Variants in CA5A observed in about 807,000 individuals in gnomAD.
CA5A encodes carbonic anhydrase 5A, mitochondrial.
A neutral mutation model predicts 37.1 loss-of-function variants in CA5A; 28 were observed. The ratio of observed to expected loss-of-function variants is 0.75; its 90% confidence interval spans 0.56 to 1.03. The LOEUF is 1.03. Among genes scored for constraint, CA5A ranks in the 50% least tolerant of loss-of-function variants. The probability of loss-of-function intolerance (pLI) is 0.00; values close to 1 mark genes in which losing one functional copy is unlikely to be tolerated. For missense variants in CA5A, 444 were observed against 399.9 expected (o/e 1.11, Z -0.94); for synonymous variants, 171 against 158.4 (o/e 1.08, Z -0.60).
chr16:87,935,109 C>T (rs2056454227), intron 1 of CA5A, among the ~76,000 whole-genome samples: 1 of 152,258 alleles, frequency 6.6e-6, no homozygotes, highest in South Asian at 2.1e-4. Flanking sequence ...GAGGCTCCAC[C>T]TCAGCAAGCG....
intron 1 of CA5A, among the ~76,000 whole-genome samples, chr16:87,931,613 G>C (rs888276533): frequency 6.6e-6 from 1 of 152,178 alleles, no homozygotes; most frequent in Non-Finnish European, 1.5e-5. Context: ...AGATAAGCTC[G>C]CTGGCGCTGG....
intron 1 of CA5A, among the ~76,000 whole-genome samples, chr16:87,935,968 C>T (rs1483956391): frequency 4.6e-5 from 7 of 152,014 alleles, no homozygotes; most frequent in Non-Finnish European, 1.0e-4. Context: ...GTTAGGAGTT[C>T]GAGACCAACC....
chr16:87,881,600 G>A (rs994822714), exon 5 of CA5A: 1 of 152,194 alleles, frequency 6.6e-6, no homozygotes, highest in African/African-American at 2.4e-5. Context: ...AAAAGCAAAG[G>A]GAGGAAGCCT....
intron 1 of CA5A, among the ~76,000 whole-genome samples, chr16:87,933,993 C>T (rs749132349): frequency 6.6e-6 from 1 of 152,240 alleles, no homozygotes; most frequent in Non-Finnish European, 1.5e-5. Flanking sequence ...ATGACTCTCT[C>T]TAGCACACGA....
At chr16:87,900,668 C>A (rs766100292) in intron 5 of CA5A, among the ~76,000 whole-genome samples, 3 of 152,244 alleles carry the variant, frequency 2.0e-5, no homozygotes, top group Non-Finnish European at 4.4e-5. Context: ...ACCATCTTTT[C>A]GAGCTGCGCT....
intron 2 of CA5A, among the ~76,000 whole-genome samples, chr16:87,919,744 C>T (rs1567531771): frequency 1.3e-5 from 2 of 152,168 alleles, no homozygotes; most frequent in African/African-American, 2.4e-5. Context: ...GAATTCCTCA[C>T]TTGGAGAGCA....
intron 2 of CA5A, among the ~76,000 whole-genome samples, chr16:87,920,114 G>C (rs1221263916): frequency 6.6e-6 from 1 of 152,096 alleles, no homozygotes; most frequent in Non-Finnish European, 1.5e-5. Context: ...AAGCATGGAC[G>C]AGGCTGAGCT....
intron 5 of CA5A, among the ~76,000 whole-genome samples, chr16:87,901,098 C>G (rs1040570130): frequency 6.6e-6 from 1 of 152,098 alleles, no homozygotes; most frequent in Non-Finnish European, 1.5e-5. Flanking sequence ...GGTATGGTGG[C>G]GCACACCTAT....
intron 2 of CA5A, among the ~76,000 whole-genome samples, chr16:87,921,195 T>C (rs759034544): frequency 1.3e-5 from 2 of 152,146 alleles, no homozygotes; most frequent in African/African-American, 2.4e-5. Context: ...TCCCAAAGTG[T>C]TGGGATTACA....
At chr16:87,915,172 G>A (rs1288297035) in intron 2 of CA5A, among the ~76,000 whole-genome samples, 1 of 152,180 alleles carries the variant, frequency 6.6e-6, no homozygotes, top group Non-Finnish European at 1.5e-5. Flanking sequence ...TTTATCACTG[G>A]GGATCCAGAG....
In CA5A at chr16:87,913,305, C is replaced by CT. The variant is rs56257660; in HGVS notation, c.341-8402dup. Among the ~76,000 whole-genome samples, 103 of 133,306 alleles carry CT rather than the reference C, an allele frequency of 7.7e-4. 1 individual carries two copies. Among genetic ancestry groups the CT allele is most frequent in the Middle Eastern group, 4.0e-3 (1 of 248 alleles). The allele number at this position is 133,306 out of a possible 152,430, so 87.5% of individuals were successfully genotyped here. On this transcript the variant is annotated intron_variant, in intron 2 of 6. Coordinates refer to ENST00000649794, the MANE Select transcript of CA5A (RefSeq NM_001739.2). The stretch of plus-strand genomic sequence containing the variant: ...ATCAACAGGTTTTGAATGTTCCAGT[C>CT]TTTTTTTTTTTTTTGAGTCAGGGGT...
intron 2 of CA5A, among the ~76,000 whole-genome samples, chr16:87,920,897 G>A (rs369711728): frequency 6.6e-6 from 1 of 152,036 alleles, no homozygotes; most frequent in Non-Finnish European, 1.5e-5. Flanking sequence ...AGGTTCAAGC[G>A]ATTTTCCTGC....
intron 1 of CA5A, among the ~76,000 whole-genome samples, chr16:87,935,415 A>G (rs2056457772): frequency 6.6e-6 from 1 of 152,122 alleles, no homozygotes; most frequent in Non-Finnish European, 1.5e-5. Context: ...AGAGTTTAGG[A>G]GCGATCGTGA....
At chr16:87,904,725 A>T in intron 3 of CA5A, 61 bp downstream of exon 3, 1 of 1,037,860 alleles carries the variant, frequency 9.6e-7, no homozygotes. Flanking sequence ...TTCACCCCCC[A>T]CCATAGAGCC....
chr16:87,904,590 C>T (rs192705884), intron 3 of CA5A, among the ~76,000 whole-genome samples, 196 bp downstream of exon 3: 26 of 152,304 alleles, frequency 1.7e-4, no homozygotes, highest in African/African-American at 6.0e-4. Flanking sequence ...TGAGAGAGAA[C>T]TTACAGCGCC....
chr16:87,934,182 C>G (rs545419041), intron 1 of CA5A, among the ~76,000 whole-genome samples: 3 of 152,386 alleles, frequency 2.0e-5, no homozygotes, highest in African/African-American at 7.2e-5. Context: ...GGCCCCACCT[C>G]GGACCCTTCT....
At chr16:87,905,135 A>G (rs2055941611) in intron 2 of CA5A, among the ~76,000 whole-genome samples, 2 of 152,090 alleles carry the variant, frequency 1.3e-5, no homozygotes, top group African/African-American at 2.4e-5. Flanking sequence ...TAAATGTGGA[A>G]TGAAGGCAGG....
intron 2 of CA5A, among the ~76,000 whole-genome samples, chr16:87,912,399 T>A (rs1464385518): frequency 2.0e-5 from 3 of 152,210 alleles, no homozygotes; most frequent in Non-Finnish European, 2.9e-5. Flanking sequence ...CTGAAGCAGA[T>A]ACCACGATTC....
chr16:87,931,861 C>T (rs572751720), intron 1 of CA5A, among the ~76,000 whole-genome samples: 4 of 152,352 alleles, frequency 2.6e-5, no homozygotes, highest in South Asian at 2.1e-4. Flanking sequence ...ACAGGGGCCT[C>T]TGTCTGTGTG....
Sources: gnomAD v4.1 joint callset for allele counts (sites outside exome capture counted in the v4.1 genomes callset) on GRCh38, gnomAD v4.1.1 for gene constraint, MANE v1.5 for transcripts, NCBI Gene and HGNC (gene_info 2026-07-23, HGNC 2026-07-21) for gene names.